Variants in GRID2 observed in about 807,000 individuals in gnomAD.
GRID2 encodes the protein glutamate ionotropic receptor delta type subunit 2, also known as glutamate receptor ionotropic, delta-2.
Under a neutral mutation model 114.8 loss-of-function variants are expected in GRID2, and 33 were observed. The ratio of observed to expected loss-of-function variants is 0.29; its 90% CI spans 0.22 to 0.38. The LOEUF is 0.38. Ranked by LOEUF, GRID2 falls within the 10% of genes least tolerant of loss-of-function variation. The pLI, the probability that GRID2 is intolerant of heterozygous loss-of-function variation, is 1.00. For missense variants in GRID2, 1,184 were observed against 1,257.7 expected, an observed-to-expected ratio of 0.94 and a Z score of 0.89; for synonymous variants, 505 against 449.9, an observed-to-expected ratio of 1.12 and a Z score of -1.55.
chr4:93,332,665 G>T (rs1461984459), intron 8 of GRID2, among the ~76,000 whole-genome samples: 2 of 152,040 alleles, frequency 1.3e-5, no homozygotes, highest in Non-Finnish European at 2.9e-5. Context: ...TTTAAGACAT[G>T]CCAGGAGATA....
rs1009806463 is a variant in GRID2, at chr4:92,763,919, C to T, written c.244+173633C>T. 3.3e-5 allele frequency among the ~76,000 whole-genome samples: 5 copies of T among 152,004 alleles called. No homozygotes were observed. The South Asian group carries it at 1.0e-3, about 32-fold the overall frequency. ...TATAATCTCATTTAAATTTTGAAAG[C>T]ATCACTTTGGTTGCTGGGTGGAGAA... On this transcript the variant is annotated intron_variant, in intron 2 of 15. Transcript: ENST00000282020.
At chr4:92,499,538 A>G (rs1723564639) in intron 1 of GRID2, among the ~76,000 whole-genome samples, 1 of 152,224 alleles carries the variant, frequency 6.6e-6, no homozygotes, top group Admixed American at 6.6e-5. Context: ...AAAATTCCAA[A>G]TGGAAGAAGC....
At chr4:93,100,053 G>A (rs767917880) in intron 3 of GRID2, among the ~76,000 whole-genome samples, 6 of 151,820 alleles carry the variant, frequency 4.0e-5, no homozygotes, top group Non-Finnish European at 5.9e-5. Context: ...TTACTTCCAT[G>A]TGCATCAATA....
chr4:92,915,665 C>G (rs1387280298), intron 2 of GRID2, among the ~76,000 whole-genome samples: 1 of 152,106 alleles, frequency 6.6e-6, no homozygotes, highest in African/African-American at 2.4e-5. Context: ...AACAGTGGAA[C>G]TAATTTACAC....
chr4:93,272,882 T>C (rs893680689), intron 8 of GRID2, among the ~76,000 whole-genome samples: 2 of 152,162 alleles, frequency 1.3e-5, no homozygotes, highest in Non-Finnish European at 2.9e-5. Context: ...ATTGGTGCAA[T>C]CTGTAATAAA....
downstream of GRID2, among the ~76,000 whole-genome samples, chr4:93,778,100 T>C (rs1348002386): frequency 2.6e-5 from 4 of 152,228 alleles, no homozygotes; most frequent in Non-Finnish European, 4.4e-5. Context: ...GTTCTTCTGA[T>C]ATGTAATAAA....
intron 12 of GRID2, among the ~76,000 whole-genome samples, chr4:93,502,823 C>A (rs770402116): frequency 6.6e-6 from 1 of 151,394 alleles, no homozygotes; most frequent in Non-Finnish European, 1.5e-5. Flanking sequence ...GAGCCAGATA[C>A]CCCAGCTAAT....
chr4:92,940,200 A>G (rs533571672), intron 2 of GRID2, among the ~76,000 whole-genome samples: 1 of 147,244 alleles, frequency 6.8e-6, no homozygotes, highest in East Asian at 2.1e-4. Flanking sequence ...ACCCATGAGC[A>G]TGGAATGTTC....
At chr4:92,606,608 T>C (rs923320911) in intron 2 of GRID2, among the ~76,000 whole-genome samples, 1 of 152,014 alleles carries the variant, frequency 6.6e-6, no homozygotes, top group African/African-American at 2.4e-5. Flanking sequence ...TCTTGTCCTT[T>C]ATCCTTTGGG....
At chr4:93,345,278 C>G (rs1431227410) in intron 8 of GRID2, among the ~76,000 whole-genome samples, 1 of 151,948 alleles carries the variant, frequency 6.6e-6, no homozygotes, top group African/African-American at 2.4e-5. Flanking sequence ...CACTAACAGT[C>G]TATAAGCATT....
rs144896437 is a variant in GRID2 at position 92,829,919 on chromosome 4, C to T, written c.244+239633C>T. ...GACACAAGGAGGGGAACATCACACACGAGGGCCTGTCAGGGGTGGGGACAA... is the reference window on the plus strand; with the variant it reads ...GACACAAGGAGGGGAACATCACACATGAGGGCCTGTCAGGGGTGGGGACAA... On this transcript the variant is annotated intron_variant, in intron 2 of 15. Coordinates refer to ENST00000282020, the MANE Select transcript of GRID2 (RefSeq NM_001510.4). Among the ~76,000 whole-genome samples the T allele has an allele frequency of 2.2e-4, 34 of 151,818 alleles. No homozygotes were observed. The East Asian group carries it at 6.0e-3, about 27-fold the overall frequency.
At chr4:93,092,882 C>T (rs1384620423) in intron 3 of GRID2, among the ~76,000 whole-genome samples, 3 of 151,634 alleles carry the variant, frequency 2.0e-5, no homozygotes, top group African/African-American at 7.3e-5. Context: ...ATATGTGTAC[C>T]ATGGAGGAGA....
At chr4:92,890,431 C>T (rs1360085286) in intron 2 of GRID2, among the ~76,000 whole-genome samples, 1 of 151,812 alleles carries the variant, frequency 6.6e-6, no homozygotes, top group Non-Finnish European at 1.5e-5. Flanking sequence ...AAAAAACAAC[C>T]CCATTGAAAA....
chr4:92,335,090 T>C (rs1381236817), intron 1 of GRID2, among the ~76,000 whole-genome samples: 2 of 152,248 alleles, frequency 1.3e-5, no homozygotes, highest in Non-Finnish European at 2.9e-5. Flanking sequence ...GACTACTATA[T>C]TGGAAAGGGT....
intron 2 of GRID2, among the ~76,000 whole-genome samples, chr4:92,672,577 A>G (rs1733127786): frequency 6.6e-6 from 1 of 152,032 alleles, no homozygotes; most frequent in African/African-American, 2.4e-5. Flanking sequence ...ACTTAATAAG[A>G]GTGTTTGCTC....
At chr4:93,134,187 T>C (rs1425266687) in intron 4 of GRID2, among the ~76,000 whole-genome samples, 1 of 152,068 alleles carries the variant, frequency 6.6e-6, no homozygotes, top group African/African-American at 2.4e-5. Flanking sequence ...ATTTAGGTTC[T>C]CCAAAAACCT....
At chr4:92,900,568 C>T (rs1472251624) in intron 2 of GRID2, among the ~76,000 whole-genome samples, 1 of 152,274 alleles carries the variant, frequency 6.6e-6, no homozygotes, top group South Asian at 2.1e-4. Context: ...CGGCGGCTCA[C>T]GCCTGTAATC....
At chr4:92,675,954 A>C (rs573022556) in intron 2 of GRID2, among the ~76,000 whole-genome samples, 3 of 152,070 alleles carry the variant, frequency 2.0e-5, no homozygotes, top group Non-Finnish European at 4.4e-5. Flanking sequence ...GAAAAAGAAA[A>C]TACAGCCCTA....
intron 1 of GRID2, among the ~76,000 whole-genome samples, chr4:92,431,936 A>G (rs1732476420): frequency 6.6e-6 from 1 of 152,242 alleles, no homozygotes. Context: ...TCATCACTGT[A>G]ATTGTGTCTG....
Sources: allele counts gnomAD v4.1 joint callset (sites outside exome capture counted in the v4.1 genomes callset), GRCh38; gene constraint gnomAD v4.1.1; transcripts MANE v1.5; gene names NCBI Gene and HGNC (gene_info 2026-07-23, HGNC 2026-07-21).